GUCY1A2: variants seen among roughly 807,000 people sequenced by gnomAD.
The protein encoded by GUCY1A2 is guanylate cyclase 1 soluble subunit alpha 2.
GUCY1A2 carries 27 observed loss-of-function variants against 63.5 expected under a neutral mutation model. That is an observed-to-expected ratio of 0.43 (90% CI 0.31 to 0.59). The LOEUF (loss-of-function observed/expected upper bound fraction) is 0.59. Among genes scored for constraint, GUCY1A2 ranks in the 20% least tolerant of loss-of-function variants. The pLI is 0.11. For synonymous variants in GUCY1A2, 364 were observed against 343.5 expected, an observed-to-expected ratio of 1.06 and a Z score of -0.66; for missense variants, 768 against 913.3, an observed-to-expected ratio of 0.84 and a Z score of 2.05.
chr11:106,858,929 G>C (rs1265474920), intron 4 of GUCY1A2, among the ~76,000 whole-genome samples: 1 of 152,010 alleles, frequency 6.6e-6, no homozygotes, highest in Non-Finnish European at 1.5e-5. Context: ...ACAAATAGCT[G>C]ATTTAAAATT....
intron 3 of GUCY1A2, among the ~76,000 whole-genome samples, chr11:106,959,018 G>C (rs1252637818): frequency 6.6e-6 from 1 of 152,188 alleles, no homozygotes; most frequent in Non-Finnish European, 1.5e-5. Flanking sequence ...CATAAGCACT[G>C]CTTCTTTAGC....
chr11:106,768,720 T>C (rs951597468), intron 6 of GUCY1A2, among the ~76,000 whole-genome samples: 8 of 152,292 alleles, frequency 5.3e-5, no homozygotes, highest in African/African-American at 1.4e-4. Context: ...TACCAAGATA[T>C]GGCAGAAGAT....
intron 3 of GUCY1A2, among the ~76,000 whole-genome samples, chr11:106,947,068 T>A (rs910239194): frequency 6.6e-6 from 1 of 151,620 alleles, no homozygotes; most frequent in Non-Finnish European, 1.5e-5. Flanking sequence ...AATACAAAAA[T>A]TAGCTGGGCG....
intron 4 of GUCY1A2, among the ~76,000 whole-genome samples, chr11:106,921,152 G>T (rs1860439411): frequency 6.6e-6 from 1 of 152,074 alleles, no homozygotes; most frequent in African/African-American, 2.4e-5. Context: ...CAAAAACAGG[G>T]CATGGAAGTC....
At chr11:106,716,768 CAAAAAAAAAAAAAAA>C (rs56999589) in intron 6 of GUCY1A2, among the ~76,000 whole-genome samples, 4 of 55,300 alleles carry the variant, frequency 7.2e-5, no homozygotes, top group African/African-American at 2.7e-4. Context: ...GACTCCGTCT[CAAAAAAAAAAAAAAA>C]AAAAAAAAAA....
At chr11:106,754,510 A>T (rs1292613917) in intron 6 of GUCY1A2, among the ~76,000 whole-genome samples, 1 of 152,040 alleles carries the variant, frequency 6.6e-6, no homozygotes, top group East Asian at 1.9e-4. Flanking sequence ...AATAGCTCTT[A>T]TTATTTTGAG....
rs759605806 is a variant in GUCY1A2 at position 106,770,829 on chromosome 11, A to G, written c.1836+5610T>C. ...GGCAGTAATACTAATGTGTTTAGCA[A>G]TCTCAATTGCAAATCAGGGAATGCT... is the stretch of plus-strand genomic sequence containing the variant. On this transcript the variant is annotated intron_variant, in intron 6 of 7. Transcript: ENST00000526355. Among the ~76,000 whole-genome samples, 9 of 50,850 alleles carry G rather than the reference A, an allele frequency of 1.8e-4. No homozygotes were observed. The South Asian group carries it at 4.5e-3, about 25-fold the overall frequency. 33.4% of individuals were successfully genotyped at this position (50,850 alleles called of 152,430 possible).
At chr11:106,712,016 G>A (rs561803677) in intron 6 of GUCY1A2, among the ~76,000 whole-genome samples, 5 of 151,610 alleles carry the variant, frequency 3.3e-5, no homozygotes, top group Non-Finnish European at 7.4e-5. Context: ...TTACCTTGAT[G>A]TTTTTTTCTT....
At chr11:106,699,565 C>T (rs1862781017) in intron 7 of GUCY1A2, among the ~76,000 whole-genome samples, 1 of 152,074 alleles carries the variant, frequency 6.6e-6, no homozygotes. Context: ...AGATTAATGC[C>T]TTTAAATTCT....
At chr11:106,942,993 A>T (rs917724143) in intron 3 of GUCY1A2, among the ~76,000 whole-genome samples, 2 of 152,202 alleles carry the variant, frequency 1.3e-5, no homozygotes, top group African/African-American at 4.8e-5. Flanking sequence ...ATGAATGGCA[A>T]TTCTATATAA....
chr11:106,776,687 A>G, intron 5 of GUCY1A2, 105 bp from the exon 6 acceptor site: 2 of 1,072,922 alleles, frequency 1.9e-6, no homozygotes, highest in Non-Finnish European at 2.7e-6. Flanking sequence ...TGTCGGCAAA[A>G]CATCAATAAA....
At chr11:106,908,193 T>A (rs1260580268) in intron 4 of GUCY1A2, among the ~76,000 whole-genome samples, 1 of 152,000 alleles carries the variant, frequency 6.6e-6, no homozygotes, top group African/African-American at 2.4e-5. Context: ...AAAGGAAACG[T>A]AGATATTATC....
At chr11:106,712,697 G>A (rs1192437375) in intron 6 of GUCY1A2, among the ~76,000 whole-genome samples, 2 of 152,180 alleles carry the variant, frequency 1.3e-5, no homozygotes, top group African/African-American at 2.4e-5. Context: ...TGTTAGGCAA[G>A]ACTGGAACAG....
intron 5 of GUCY1A2, among the ~76,000 whole-genome samples, chr11:106,809,519 T>C (rs1170243831): frequency 1.3e-5 from 2 of 152,042 alleles, no homozygotes; most frequent in Non-Finnish European, 2.9e-5. Context: ...TATATATAGG[T>C]TTTTTTAGAA....
intron 6 of GUCY1A2, among the ~76,000 whole-genome samples, chr11:106,710,206 T>A (rs1393669429): frequency 1.1e-3 from 51 of 45,284 alleles, no homozygotes; most frequent in Admixed American, 1.8e-3. Flanking sequence ...AGTTATATAT[T>A]ATATACATGT....
intron 6 of GUCY1A2, among the ~76,000 whole-genome samples, chr11:106,764,974 G>GGT (rs1161616911): frequency 6.3e-5 from 6 of 94,740 alleles, no homozygotes; most frequent in Non-Finnish European, 9.0e-5. Flanking sequence ...TTTTTTTGGG[G>GGT]GGGGGTTGGG....
intron 4 of GUCY1A2, among the ~76,000 whole-genome samples, chr11:106,847,944 G>A (rs2135448457): frequency 6.6e-6 from 1 of 151,482 alleles, no homozygotes; most frequent in East Asian, 1.9e-4. Context: ...TTTCTACAAA[G>A]GACCAGAAAA....
chr11:106,968,738 T>TC (rs1861157532), intron 3 of GUCY1A2, among the ~76,000 whole-genome samples: 1 of 152,288 alleles, frequency 6.6e-6, no homozygotes. Context: ...CCCATACCAT[T>TC]CCCTACCACC....
chr11:106,993,430 G>C (rs982843963), intron 1 of GUCY1A2, among the ~76,000 whole-genome samples: 2 of 152,084 alleles, frequency 1.3e-5, no homozygotes, highest in Non-Finnish European at 2.9e-5. Flanking sequence ...GTTTACTTCT[G>C]AAGGAGAGGT....
Sources: gnomAD v4.1 joint callset for allele counts (sites outside exome capture counted in the v4.1 genomes callset) on GRCh38, gnomAD v4.1.1 for gene constraint, MANE v1.5 for transcripts, NCBI Gene and HGNC (gene_info 2026-07-23, HGNC 2026-07-21) for gene names.